ADAM12: variants seen among roughly 807,000 people sequenced by gnomAD.
The protein encoded by ADAM12 is disintegrin and metalloproteinase domain-containing protein 12.
Under a neutral mutation model 106.4 loss-of-function variants are expected in ADAM12, and 70 were observed. The ratio of observed to expected loss-of-function variants is 0.66; its 90% CI spans 0.54 to 0.80. ADAM12 has a LOEUF of 0.80. ADAM12 is among the 30% of genes least tolerant of loss of function. The pLI is 0.00. For missense variants in ADAM12, 1,010 were observed against 1,171.9 expected (o/e 0.86, Z 2.02); for synonymous variants, 420 against 433.5 (o/e 0.97, Z 0.39).
chr10:126,045,871 T>C, intron 17 of ADAM12, among the ~76,000 whole-genome samples, 184 bp downstream of exon 17: 1 of 152,256 alleles, frequency 6.6e-6, no homozygotes, highest in East Asian at 1.9e-4. Context: ...AGTCTGATTT[T>C]CTTTGTTAAA....
intron 14 of ADAM12, among the ~76,000 whole-genome samples, chr10:126,058,648 G>A (rs1391430877): frequency 2.0e-5 from 3 of 152,200 alleles, no homozygotes; most frequent in South Asian, 2.1e-4. Flanking sequence ...TCAAAGGCAC[G>A]GAGCCCGCAG....
intron 3 of ADAM12, among the ~76,000 whole-genome samples, chr10:126,160,373 TC>T (rs890786620): frequency 1.3e-5 from 2 of 151,550 alleles, no homozygotes; most frequent in African/African-American, 4.9e-5. Context: ...AAATACCAAC[TC>T]CCCCCTCTCC....
rs61660918 is a variant in ADAM12, at chr10:126,197,489, G to A, written c.261-42184C>T. Among the ~76,000 whole-genome samples, 311 of 152,308 alleles carry A rather than the reference G, an allele frequency of 2.0e-3. 1 individual carries two copies. The highest frequency in any genetic ancestry group is 2.8e-3 in the Non-Finnish European group (189 of 68,034). On this transcript the variant is annotated intron_variant, in intron 3 of 22. Coordinates refer to ENST00000448723, the MANE Select transcript of ADAM12 (RefSeq NM_001288973.2). ...AGTGACCCTGTGGGAGAGGACAGTC[G>A]TGTGCTTCCCTCCTGGGGTTGCAGA... is the stretch of plus-strand genomic sequence containing the variant.
At chr10:126,377,903 G>A (rs548005094) in intron 1 of ADAM12, among the ~76,000 whole-genome samples, 16 of 152,208 alleles carry the variant, frequency 1.1e-4, no homozygotes, top group South Asian at 6.2e-4. Context: ...TTCTAAAAGC[G>A]AAAAGCAAAA....
chr10:126,359,208 A>C (rs1855653529), intron 1 of ADAM12, among the ~76,000 whole-genome samples: 1 of 152,144 alleles, frequency 6.6e-6, no homozygotes, highest in Non-Finnish European at 1.5e-5. Context: ...TCAAGATGAG[A>C]TTTGGGTGGG....
chr10:126,097,581 C>T (rs1395932529), intron 10 of ADAM12, among the ~76,000 whole-genome samples: 1 of 152,184 alleles, frequency 6.6e-6, no homozygotes, highest in East Asian at 1.9e-4. Context: ...CATGGAGGAA[C>T]TCACAGTTTC....
chr10:126,027,148 C>T (rs1285186969), intron 21 of ADAM12, among the ~76,000 whole-genome samples: 1 of 151,830 alleles, frequency 6.6e-6, no homozygotes, highest in Non-Finnish European at 1.5e-5. Flanking sequence ...AAATCTAGAG[C>T]ACATACAGTC....
chr10:126,200,933 G>A (rs968135185), intron 3 of ADAM12, among the ~76,000 whole-genome samples: 13 of 151,708 alleles, frequency 8.6e-5, no homozygotes, highest in African/African-American at 2.7e-4. Context: ...TATTGTAAAT[G>A]GCACATGGAA....
chr10:126,354,415 A>G (rs1025706444), intron 1 of ADAM12, among the ~76,000 whole-genome samples: 5 of 151,506 alleles, frequency 3.3e-5, no homozygotes, highest in African/African-American at 9.7e-5. Flanking sequence ...GAGAGGATTC[A>G]GAAGTTACTG....
chr10:126,037,918 G>T (rs1954087695), intron 20 of ADAM12, among the ~76,000 whole-genome samples: 1 of 152,236 alleles, frequency 6.6e-6, no homozygotes, highest in African/African-American at 2.4e-5. Context: ...TCAGGAGCCA[G>T]CTCGGGCTGC....
chr10:126,138,098 G>T (rs1956439427), intron 4 of ADAM12, among the ~76,000 whole-genome samples: 1 of 152,132 alleles, frequency 6.6e-6, no homozygotes, highest in Admixed American at 6.5e-5. Context: ...CATCCTAGTG[G>T]ATATAAAGTG....
Position 126,066,824 on chromosome 10 carries a change from A to G in ADAM12, c.1324-18T>C, listed in dbSNP as rs1434070314. 1.2e-6 allele frequency: 2 copies of G among 1,608,160 alleles called. No individual in the cohort carries two copies. The highest frequency in any genetic ancestry group is 1.7e-6 in the Non-Finnish European group (2 of 1,174,728). The stretch of plus-strand genomic sequence containing the variant: ...ATACATTCCTGGAAAGGGGAATGGC[A>G]TTTGTTTGACAGGGTCTTATGGAGT... On this transcript the variant is annotated intron_variant, in intron 12 of 22. Transcript: ENST00000448723. The surrounding 1 kb of genome is among the most constrained non-coding windows in gnomAD (Gnocchi z 5.1).
intron 11 of ADAM12, among the ~76,000 whole-genome samples, chr10:126,087,755 T>C (rs1370403315): frequency 6.6e-6 from 1 of 152,240 alleles, no homozygotes; most frequent in Non-Finnish European, 1.5e-5. Flanking sequence ...CTACAGAGTG[T>C]GGACTTTCCC....
intron 1 of ADAM12, among the ~76,000 whole-genome samples, chr10:126,359,434 T>C (rs889820483): frequency 6.6e-6 from 1 of 152,150 alleles, no homozygotes; most frequent in African/African-American, 2.4e-5. Flanking sequence ...ACTTCCTAGA[T>C]ACAATGAGGG....
At chr10:126,052,932 G>A (rs1252615259) in intron 14 of ADAM12, among the ~76,000 whole-genome samples, 1 of 152,170 alleles carries the variant, frequency 6.6e-6, no homozygotes, top group Non-Finnish European at 1.5e-5. Context: ...GTTTGGATCT[G>A]TGTCCCCACC....
chr10:126,142,952 A>ATGCATGTGTGTATATCAGTG (rs1262588946), intron 4 of ADAM12, among the ~76,000 whole-genome samples: 1 of 151,694 alleles, frequency 6.6e-6, no homozygotes, highest in South Asian at 2.1e-4. Flanking sequence ...ATGTGTATAT[A>ATGCATGTGTGTATATCAGTG]TGCATGTGTG....
intron 3 of ADAM12, among the ~76,000 whole-genome samples, chr10:126,218,768 G>C (rs1273489555): frequency 1.3e-5 from 2 of 152,218 alleles, no homozygotes; most frequent in Admixed American, 1.3e-4. Context: ...TCCAGAGGCA[G>C]AATGTACTGT....
chr10:126,218,972 G>T (rs1958039289), intron 3 of ADAM12, among the ~76,000 whole-genome samples: 2 of 152,122 alleles, frequency 1.3e-5, no homozygotes, highest in African/African-American at 4.8e-5. Context: ...CAGACATCAC[G>T]TTGAAGCCTC....
intron 17 of ADAM12, among the ~76,000 whole-genome samples, chr10:126,045,516 T>C (rs896112188): frequency 1.8e-4 from 28 of 152,200 alleles, no homozygotes; most frequent in African/African-American, 4.3e-4. Context: ...TATGATTCCA[T>C]TGGAAATAAG....
Sources: allele counts gnomAD v4.1 joint callset (sites outside exome capture counted in the v4.1 genomes callset), GRCh38; gene constraint gnomAD v4.1.1; non-coding constraint Gnocchi (gnomAD v3.1); transcripts MANE v1.5; gene names NCBI Gene and HGNC (gene_info 2026-07-23, HGNC 2026-07-21).